Variants in FOXP1 observed in about 807,000 individuals in gnomAD.
The protein encoded by FOXP1 is forkhead box protein P1.
FOXP1 carries 15 observed loss-of-function variants against 98.2 expected under a neutral mutation model. The ratio of observed to expected loss-of-function variants is 0.15; its 90% CI spans 0.10 to 0.24. FOXP1 has a LOEUF of 0.24. Among genes scored for constraint, FOXP1 ranks in the 10% least tolerant of loss-of-function variants. FOXP1 has a pLI of 1.00. For missense variants in FOXP1, 633 were observed against 848.5 expected, an observed-to-expected ratio of 0.75 and a Z score of 3.15; for synonymous variants, 371 against 314.5, an observed-to-expected ratio of 1.18 and a Z score of -1.90.
Position 71,208,368 on chromosome 3 carries a change from GATATC to G in FOXP1, c.-11-9981_-11-9977del, listed in dbSNP as rs571887079. 4.6e-5 allele frequency among the ~76,000 whole-genome samples: 7 copies of G among 152,230 alleles called. No homozygotes were observed. In the East Asian group the frequency reaches 1.4e-3, roughly 29 times the overall value. ...TCAGAAAAAAGCAAACAACTGCATA[GATATC>G]ATTACACTAAGGAAATCTCTTAGAA... On this transcript the variant is annotated intron_variant, in intron 5 of 20. Transcript: ENST00000649528.
chr3:71,367,148 T>C (rs1303064790), intron 3 of FOXP1, among the ~76,000 whole-genome samples: 2 of 152,216 alleles, frequency 1.3e-5, no homozygotes, highest in East Asian at 3.8e-4. Flanking sequence ...GGTAAGCTCC[T>C]GATTGACAAG....
chr3:71,138,177 G>A (rs533078221), intron 6 of FOXP1, among the ~76,000 whole-genome samples: 4 of 152,262 alleles, frequency 2.6e-5, no homozygotes, highest in East Asian at 3.9e-4. Flanking sequence ...GAATGGTGAC[G>A]CTGTCTGGAG....
intron 3 of FOXP1, among the ~76,000 whole-genome samples, chr3:71,386,969 C>A (rs1401268270): frequency 3.9e-5 from 6 of 152,100 alleles, no homozygotes; most frequent in Non-Finnish European, 7.3e-5. Context: ...CTAATATTTT[C>A]TCTTTTCTCC....
intron 2 of FOXP1, among the ~76,000 whole-genome samples, chr3:71,500,842 T>A (rs1294170689): frequency 6.6e-6 from 1 of 152,160 alleles, no homozygotes; most frequent in Non-Finnish European, 1.5e-5. Flanking sequence ...TTTCTATTCA[T>A]AGTCACATGT....
chr3:71,419,494 C>T (rs2083468726), intron 3 of FOXP1, among the ~76,000 whole-genome samples: 1 of 151,956 alleles, frequency 6.6e-6, no homozygotes, highest in South Asian at 2.1e-4. Context: ...TAAAACTGTG[C>T]TGGTCTGACT....
At chr3:71,283,441 T>C (rs993262325) in intron 5 of FOXP1, among the ~76,000 whole-genome samples, 1 of 152,088 alleles carries the variant, frequency 6.6e-6, no homozygotes, top group African/African-American at 2.4e-5. Flanking sequence ...TGCTGGCTCA[T>C]TGAGTAAGGA....
At chr3:71,404,129 T>C (rs1273455823) in intron 3 of FOXP1, among the ~76,000 whole-genome samples, 13 of 128,266 alleles carry the variant, frequency 1.0e-4, no homozygotes, top group Non-Finnish European at 2.2e-4. Flanking sequence ...TCTTTTTTTT[T>C]TTTTTTTTTT....
At chr3:71,321,974 C>T (rs1173574629) in intron 4 of FOXP1, among the ~76,000 whole-genome samples, 1 of 152,166 alleles carries the variant, frequency 6.6e-6, no homozygotes, top group Non-Finnish European at 1.5e-5. Flanking sequence ...CTTTGCTGAT[C>T]TTCACTTTCT....
rs1438830860 is a variant in FOXP1 at position 71,220,604 on chromosome 3, T to A, written c.-11-22212A>T. Among the ~76,000 whole-genome samples the A allele has an allele frequency of 4.7e-5, 7 of 149,438 alleles. No individual in the cohort carries two copies. The East Asian group carries it at 1.4e-3, about 30-fold the overall frequency. ...CTCTATCAAAAATACAAAAAAAAAA[T>A]TAGCCAGGTGTGGCAGTGCACGCCT... is the stretch of plus-strand genomic sequence containing the variant. On this transcript the variant is annotated intron_variant, in intron 5 of 20. Coordinates refer to ENST00000649528, the MANE Select transcript of FOXP1 (RefSeq NM_001349338.3).
chr3:71,552,651 T>C (rs1487323637), intron 2 of FOXP1, among the ~76,000 whole-genome samples: 1 of 152,016 alleles, frequency 6.6e-6, no homozygotes, highest in Non-Finnish European at 1.5e-5. Flanking sequence ...ATATTAAACA[T>C]ATTATAAAGT....
intron 7 of FOXP1, among the ~76,000 whole-genome samples, chr3:71,093,742 A>G (rs2056153743): frequency 6.6e-6 from 1 of 151,874 alleles, no homozygotes; most frequent in South Asian, 2.1e-4. Context: ...TCTCACATTT[A>G]CTTCCCAGAG....
chr3:71,360,135 GCTAATACATC>G (rs1395025332), intron 3 of FOXP1, among the ~76,000 whole-genome samples: 1 of 152,062 alleles, frequency 6.6e-6, no homozygotes, highest in Admixed American at 6.5e-5. Flanking sequence ...TAATTACAGT[GCTAATACATC>G]CTGAGAAATA....
chr3:71,081,880 C>T (rs1171980627), intron 7 of FOXP1, among the ~76,000 whole-genome samples: 4 of 152,212 alleles, frequency 2.6e-5, no homozygotes, highest in Admixed American at 6.5e-5. Context: ...AAATGAATTA[C>T]ACTTAAATAA....
At chr3:71,433,122 T>C (rs1483206520) in intron 3 of FOXP1, among the ~76,000 whole-genome samples, 3 of 152,180 alleles carry the variant, frequency 2.0e-5, no homozygotes, top group Non-Finnish European at 2.9e-5. Flanking sequence ...GTAGAGTTAT[T>C]ACATGTAACT....
intron 13 of FOXP1, among the ~76,000 whole-genome samples, chr3:70,998,847 C>G (rs1380727170): frequency 2.6e-5 from 4 of 152,206 alleles, no homozygotes; most frequent in Non-Finnish European, 4.4e-5. Flanking sequence ...CTCCTGACCT[C>G]TTTTTGTGGA....
intron 3 of FOXP1, among the ~76,000 whole-genome samples, chr3:71,431,905 A>G (rs1464353814): frequency 6.6e-6 from 1 of 152,180 alleles, no homozygotes; most frequent in East Asian, 1.9e-4. Context: ...TTTTAAAAAG[A>G]CTAAATTTAA....
At chr3:71,535,324 C>T (rs2044201277) in intron 2 of FOXP1, among the ~76,000 whole-genome samples, 1 of 152,062 alleles carries the variant, frequency 6.6e-6, no homozygotes, top group East Asian at 1.9e-4. Flanking sequence ...TAGGTCCACT[C>T]AGAATTCATG....
At chr3:71,081,727 A>C (rs1263937642) in intron 7 of FOXP1, among the ~76,000 whole-genome samples, 1 of 152,218 alleles carries the variant, frequency 6.6e-6, no homozygotes, top group East Asian at 1.9e-4. Flanking sequence ...AGTATTACTC[A>C]CCAAAGGCAC....
chr3:71,527,555 G>T (rs1423307005), intron 2 of FOXP1, among the ~76,000 whole-genome samples: 1 of 152,194 alleles, frequency 6.6e-6, no homozygotes, highest in East Asian at 1.9e-4. Context: ...AAATGCTCAA[G>T]GTCTACATAG....
Sources: allele counts gnomAD v4.1 joint callset (sites outside exome capture counted in the v4.1 genomes callset), GRCh38; gene constraint gnomAD v4.1.1; transcripts MANE v1.5; gene names NCBI Gene and HGNC (gene_info 2026-07-23, HGNC 2026-07-21).